Variants in CCDC125 observed in about 807,000 individuals in gnomAD.
CCDC125 encodes the protein coiled-coil domain-containing protein 125.
Under a neutral mutation model 57.4 loss-of-function variants are expected in CCDC125, and 43 were observed. That is an observed-to-expected ratio of 0.75 (90% CI 0.59 to 0.97). CCDC125 has a LOEUF of 0.97. CCDC125 is among the 50% of genes least tolerant of loss of function. CCDC125 has a pLI of 0.00. For missense variants in CCDC125, 563 were observed against 595.7 expected (o/e 0.95, Z 0.57); for synonymous variants, 187 against 195.2 (o/e 0.96, Z 0.35).
At chr5:69,323,687 A>G (rs766022878) in intron 1 of CCDC125, 2 of 152,176 alleles carry the variant, frequency 1.3e-5, no homozygotes, top group Non-Finnish European at 2.9e-5. Flanking sequence ...CACAGCAGAT[A>G]CAGAGGAGTT....
intron 1 of CCDC125, among the ~76,000 whole-genome samples, chr5:69,330,129 T>C (rs2150693303): frequency 6.6e-6 from 1 of 152,268 alleles, no homozygotes; most frequent in Admixed American, 6.5e-5. Context: ...CTGAAGCCCC[T>C]AGAAATAGAA....
At chr5:69,327,252 G>A (rs550468989) in intron 1 of CCDC125, among the ~76,000 whole-genome samples, 124 of 151,852 alleles carry the variant, frequency 8.2e-4, no homozygotes, top group Middle Eastern at 3.4e-3. Flanking sequence ...CCGCCACCAC[G>A]CCCGGCTAAT....
chr5:69,299,267 G>A (rs1021502700), intron 8 of CCDC125, among the ~76,000 whole-genome samples: 7 of 152,058 alleles, frequency 4.6e-5, no homozygotes, highest in African/African-American at 1.7e-4. Flanking sequence ...CCGCCACCGC[G>A]CCTGGCTAAT....
chr5:69,306,879 T>C lies in CCDC125; in HGVS notation c.555A>G (p.Glu185=). 1 of 1,520,638 alleles carries C rather than the reference T, an allele frequency of 6.6e-7. No homozygotes were observed. The highest frequency in any genetic ancestry group is 2.3e-5 in the Admixed American group (1 of 43,786). The allele number at this position is 1,520,638 out of a possible 1,614,324, so 94.2% of individuals were successfully genotyped here. The change falls in exon 6 of 12, where the codon GAA becomes GAG. Residue 185 remains glutamate, a synonymous_variant. Transcript: ENST00000396496. The stretch of plus-strand genomic sequence containing the variant: ...TAAATCTATTATGATCAAATTCTAT[T>C]TCCCACTGCAAGGCATTTATTTCCT... ...LEKEINALQW[E]IEFDHNRFKN...
chr5:69,319,911 AG>A (rs1759746206), intron 2 of CCDC125, among the ~76,000 whole-genome samples: 1 of 150,908 alleles, frequency 6.6e-6, no homozygotes, highest in African/African-American at 2.4e-5. Context: ...ATTTGAGGTC[AG>A]GAGTTTGAGA....
intron 11 of CCDC125, among the ~76,000 whole-genome samples, chr5:69,283,403 G>A (rs151041537): frequency 1.3e-5 from 2 of 151,872 alleles, no homozygotes; most frequent in Admixed American, 1.3e-4. Context: ...GCATTTTTTA[G>A]TAGAGACGGG....
intron 6 of CCDC125, 83 bp downstream of exon 6, chr5:69,306,734 C>A: frequency 1.5e-6 from 2 of 1,300,884 alleles, no homozygotes; most frequent in South Asian, 5.5e-5. Flanking sequence ...TTGCACTTGG[C>A]TCAAAGAAGA....
downstream of CCDC125, chr5:69,276,807 A>G (rs899716712): frequency 4.5e-6 from 4 of 889,330 alleles, no homozygotes; most frequent in African/African-American, 6.8e-5. Context: ...TTTAATTTTT[A>G]TAAATTTAAT....
At chr5:69,299,431 C>T (rs545513594) in intron 8 of CCDC125, among the ~76,000 whole-genome samples, 132 of 152,342 alleles carry the variant, frequency 8.7e-4, no homozygotes, top group African/African-American at 3.0e-3. Flanking sequence ...ACAAGAAGTG[C>T]ATGGCTGCCC....
intron 1 of CCDC125, 77 bp downstream of exon 1, chr5:69,332,572 T>C (rs1236495731): frequency 6.6e-6 from 1 of 152,284 alleles, no homozygotes; most frequent in Non-Finnish European, 1.5e-5. Flanking sequence ...TTGGGCAGTT[T>C]GTCCACAACC....
chr5:69,311,795 G>A (rs1195189373), intron 3 of CCDC125, among the ~76,000 whole-genome samples: 8 of 151,806 alleles, frequency 5.3e-5, no homozygotes, highest in South Asian at 2.1e-4. Flanking sequence ...GTGCAGTGGC[G>A]TGGTCTCAGC....
At chr5:69,309,055 T>C (rs1580136578) in intron 4 of CCDC125, 1 of 152,482 alleles carries the variant, frequency 6.6e-6, no homozygotes, top group East Asian at 1.9e-4. Context: ...ATTCAAGAGA[T>C]GGCTTGGGTA....
At chr5:69,293,228 T>A (rs1322507819) in intron 9 of CCDC125, among the ~76,000 whole-genome samples, 9 of 152,190 alleles carry the variant, frequency 5.9e-5, no homozygotes. Flanking sequence ...AACTGTGACG[T>A]CTTAGGCTCA....
At chr5:69,303,361 CTTTTTTTT>C (rs1003180857) in intron 7 of CCDC125, among the ~76,000 whole-genome samples, 5 of 100,516 alleles carry the variant, frequency 5.0e-5, no homozygotes, top group Non-Finnish European at 9.4e-5. Context: ...GAATTGTTCA[CTTTTTTTT>C]TTTTTTTTTT....
At chr5:69,284,586 G>A (rs1484762598) in intron 11 of CCDC125, among the ~76,000 whole-genome samples, 1 of 152,096 alleles carries the variant, frequency 6.6e-6, no homozygotes, top group Non-Finnish European at 1.5e-5. Flanking sequence ...TATGAATGAC[G>A]AGAAAAGATG....
chr5:69,308,540 C>A, intron 4 of CCDC125: 1 of 189,792 alleles, frequency 5.3e-6, no homozygotes, highest in Non-Finnish European at 1.1e-5. Flanking sequence ...GTGCCTTTCG[C>A]CTCCCACCAT....
chr5:69,326,513 G>C (rs1293882977), intron 1 of CCDC125, among the ~76,000 whole-genome samples: 1 of 152,122 alleles, frequency 6.6e-6, no homozygotes, highest in African/African-American at 2.4e-5. Flanking sequence ...GCAACCTCTG[G>C]CCTGTGTTAA....
downstream of CCDC125, among the ~76,000 whole-genome samples, chr5:69,277,916 C>G (rs149875345): frequency 1.2e-3 from 179 of 152,304 alleles, 2 homozygotes; most frequent in African/African-American, 4.2e-3. Flanking sequence ...GACAAAGTCT[C>G]ACTCTGTCAC....
intron 11 of CCDC125, among the ~76,000 whole-genome samples, chr5:69,283,915 C>T (rs531208407): frequency 6.6e-6 from 1 of 151,908 alleles, no homozygotes; most frequent in South Asian, 2.1e-4. Context: ...CTCAGCCTCC[C>T]ATGTAGCTAG....
Sources: allele counts gnomAD v4.1 joint callset (sites outside exome capture counted in the v4.1 genomes callset), GRCh38; gene constraint gnomAD v4.1.1; transcripts MANE v1.5; gene names NCBI Gene and HGNC (gene_info 2026-07-23, HGNC 2026-07-21).